FOXP2: variants seen among roughly 807,000 people sequenced by gnomAD.
The protein encoded by FOXP2 is forkhead box P2, also known as forkhead box protein P2.
FOXP2 carries 12 observed loss-of-function variants against 115.8 expected under a neutral mutation model. The ratio of observed to expected loss-of-function variants is 0.10; its 90% CI spans 0.07 to 0.17. FOXP2 has a LOEUF of 0.17. Among genes scored for constraint, FOXP2 ranks in the 10% least tolerant of loss-of-function variants. The probability of loss-of-function intolerance (pLI) is 1.00; values close to 1 mark genes in which losing one functional copy is unlikely to be tolerated. For missense variants in FOXP2, 629 were observed against 843.5 expected, an observed-to-expected ratio of 0.75 and a Z score of 3.15; for synonymous variants, 328 against 297.7, an observed-to-expected ratio of 1.10 and a Z score of -1.05.
intron 3 of FOXP2, among the ~76,000 whole-genome samples, chr7:114,603,876 C>A (rs1182913484): frequency 6.6e-6 from 1 of 152,138 alleles, no homozygotes; most frequent in Non-Finnish European, 1.5e-5. Flanking sequence ...TAGCCTTTAG[C>A]TTCACAGCAT....
At chr7:114,435,173 A>G (rs1172014897) in intron 2 of FOXP2, among the ~76,000 whole-genome samples, 1 of 152,188 alleles carries the variant, frequency 6.6e-6, no homozygotes, top group Non-Finnish European at 1.5e-5. Context: ...GGTTGTTGAA[A>G]GCATTTCCCC....
intron 2 of FOXP2, among the ~76,000 whole-genome samples, chr7:114,355,243 T>C (rs2129186546): frequency 6.6e-6 from 1 of 152,242 alleles, no homozygotes; most frequent in Admixed American, 6.5e-5. Flanking sequence ...CTCTCTGCGG[T>C]GTCAGAAAGT....
At chr7:114,515,750 T>G (rs1330880144) in intron 2 of FOXP2, among the ~76,000 whole-genome samples, 7 of 152,154 alleles carry the variant, frequency 4.6e-5, no homozygotes, top group Non-Finnish European at 7.4e-5. Flanking sequence ...ATTTTGGCTT[T>G]TGTTGCCATT....
intron 2 of FOXP2, among the ~76,000 whole-genome samples, chr7:114,399,454 T>C (rs1792824972): frequency 6.6e-6 from 1 of 152,208 alleles, no homozygotes; most frequent in African/African-American, 2.4e-5. Flanking sequence ...CTGACTGGCT[T>C]ACAAGAATTC....
upstream of FOXP2, among the ~76,000 whole-genome samples, chr7:114,409,959 ACC>A (rs1793125080): frequency 3.9e-5 from 6 of 152,110 alleles, no homozygotes; most frequent in South Asian, 1.2e-3. Context: ...ATCTATCTGA[ACC>A]ACATGCCTGC....
At chr7:114,394,571 C>T (rs1372026846) in intron 2 of FOXP2, among the ~76,000 whole-genome samples, 2 of 152,108 alleles carry the variant, frequency 1.3e-5, no homozygotes, top group African/African-American at 2.4e-5. Context: ...GCAGATATCA[C>T]TTTAATCAAG....
intron 2 of FOXP2, among the ~76,000 whole-genome samples, chr7:114,466,629 T>C (rs1005454874): frequency 2.0e-5 from 3 of 152,216 alleles, no homozygotes; most frequent in East Asian, 1.9e-4. Flanking sequence ...ATCTTGGATT[T>C]GTAAGCTGTC....
At chr7:114,351,486 A>C (rs534260187) in intron 2 of FOXP2, among the ~76,000 whole-genome samples, 1 of 152,190 alleles carries the variant, frequency 6.6e-6, no homozygotes, top group Non-Finnish European at 1.5e-5. Context: ...ACTACAACTC[A>C]ATCCAAATTT....
chr7:114,683,508 T>A (rs1280684315), intron 16 of FOXP2, among the ~76,000 whole-genome samples: 1 of 152,192 alleles, frequency 6.6e-6, no homozygotes, highest in South Asian at 2.1e-4. Context: ...TAACGTTACA[T>A]TAGACCCAGT....
At chr7:114,643,082 A>T (rs1015332026) in intron 7 of FOXP2, among the ~76,000 whole-genome samples, 1 of 151,802 alleles carries the variant, frequency 6.6e-6, no homozygotes, top group Non-Finnish European at 1.5e-5. Context: ...AAGTGCTGGG[A>T]TTACAGGCGT....
intron 3 of FOXP2, among the ~76,000 whole-genome samples, chr7:114,627,263 T>C (rs1044405581): frequency 6.6e-6 from 1 of 151,908 alleles, no homozygotes; most frequent in African/African-American, 2.4e-5. Flanking sequence ...TTAAAATAAG[T>C]TGTGAACCGT....
chr7:114,212,302 A>G (rs1794379221), intron 1 of FOXP2, among the ~76,000 whole-genome samples: 1 of 151,806 alleles, frequency 6.6e-6, no homozygotes, highest in African/African-American at 2.4e-5. Flanking sequence ...CTGACATTTT[A>G]TTTCAATATT....
chr7:114,568,264 G>T (rs935145936), intron 3 of FOXP2, among the ~76,000 whole-genome samples: 3 of 151,778 alleles, frequency 2.0e-5, no homozygotes, highest in African/African-American at 7.3e-5. Flanking sequence ...ATGTTAGCAG[G>T]AATAATTTGA....
chr7:114,400,659 T>C (rs969881086), intron 2 of FOXP2, among the ~76,000 whole-genome samples: 29 of 152,100 alleles, frequency 1.9e-4, no homozygotes, highest in African/African-American at 6.8e-4. Context: ...CTTCAGATCA[T>C]CAGGCATTAA....
intron 3 of FOXP2, among the ~76,000 whole-genome samples, chr7:114,579,386 T>A (rs531148950): frequency 6.6e-6 from 1 of 152,280 alleles, no homozygotes; most frequent in African/African-American, 2.4e-5. Context: ...TACAGAATTC[T>A]TTCGAGAAAT....
intron 3 of FOXP2, among the ~76,000 whole-genome samples, chr7:114,593,937 G>T (rs1050799425): frequency 6.6e-6 from 1 of 151,892 alleles, no homozygotes; most frequent in Admixed American, 6.6e-5. Context: ...ATATTAGAAA[G>T]ATCTTTACCT....
chr7:114,125,447 C>T (rs1791682400), intron 1 of FOXP2, among the ~76,000 whole-genome samples: 1 of 152,040 alleles, frequency 6.6e-6, no homozygotes, highest in Non-Finnish European at 1.5e-5. Context: ...CTCTTTTGGA[C>T]TTGTATTAAG....
chr7:114,272,339 G>C (rs1796085367), intron 1 of FOXP2, among the ~76,000 whole-genome samples: 1 of 151,486 alleles, frequency 6.6e-6, no homozygotes. Flanking sequence ...TTAGTCTGTA[G>C]ATTTCTTTTC....
At chr7:114,200,313 T>A (rs1398027736) in intron 1 of FOXP2, among the ~76,000 whole-genome samples, 1 of 152,056 alleles carries the variant, frequency 6.6e-6, no homozygotes, top group Non-Finnish European at 1.5e-5. Context: ...CTTTCCAATC[T>A]TTTTTTTGAG....
Sources: allele counts gnomAD v4.1 joint callset (sites outside exome capture counted in the v4.1 genomes callset), GRCh38; gene constraint gnomAD v4.1.1; transcripts MANE v1.5; gene names NCBI Gene and HGNC (gene_info 2026-07-23, HGNC 2026-07-21).